The following RAB11B variants were observed in gnomAD, a reference collection of about 807,000 sequenced individuals.
RAB11B encodes the protein ras-related protein Rab-11B.
In RAB11B, 7 loss-of-function variants were observed where a neutral mutation model predicts 23.7. That is an observed-to-expected ratio of 0.29 (90% CI 0.17 to 0.55). The LOEUF (loss-of-function observed/expected upper bound fraction) is 0.55. Ranked by LOEUF, RAB11B falls within the 20% of genes least tolerant of loss-of-function variation. RAB11B has a pLI of 0.93. For missense variants in RAB11B, 189 were observed against 320.0 expected, an observed-to-expected ratio of 0.59 and a Z score of 3.12; for synonymous variants, 138 against 132.0, an observed-to-expected ratio of 1.05 and a Z score of -0.31.
chr19:8,395,271 CTTTTTTTTTT>C (rs201774881), intron 1 of RAB11B, among the ~76,000 whole-genome samples: 1 of 94,076 alleles, frequency 1.1e-5, no homozygotes, highest in Non-Finnish European at 2.1e-5. Context: ...TTCCATCTTT[CTTTTTTTTTT>C]TTTTTTTTTT....
intron 1 of RAB11B, 183 bp downstream of exon 1, chr19:8,390,639 T>C (rs993658063): frequency 1.2e-5 from 7 of 589,596 alleles, no homozygotes; most frequent in African/African-American, 5.9e-5. Context: ...GATGCGCGGC[T>C]ATACGGAGCC....
intron 1 of RAB11B, among the ~76,000 whole-genome samples, chr19:8,395,753 C>T (rs1971392256): frequency 6.6e-6 from 1 of 152,160 alleles, no homozygotes; most frequent in South Asian, 2.1e-4. Flanking sequence ...GGACAGGCTG[C>T]CCTATGCGGT....
intron 4 of RAB11B, chr19:8,402,953 G>C (rs1160499820): frequency 2.5e-6 from 1 of 392,364 alleles, no homozygotes; most frequent in Non-Finnish European, 4.6e-6. Flanking sequence ...GTGAGCCACT[G>C]CACCTGGCCT....
chr19:8,395,121 AAGG>A (rs1971386531), intron 1 of RAB11B, among the ~76,000 whole-genome samples: 1 of 152,108 alleles, frequency 6.6e-6, no homozygotes, highest in Non-Finnish European at 1.5e-5. Context: ...CTGCCGTGGA[AAGG>A]AGGTTAAGGT....
rs141831033 is a variant in RAB11B at position 8,398,053 on chromosome 19, G to A, written c.41-1810G>A. ...CACACTGATCTTCCCCACATGGTAT[G>A]TTCTGGGTCTGGGGACAGCTCACCC... On this transcript the variant is annotated intron_variant, in intron 1 of 4. Transcript: ENST00000328024. 1.1e-4 allele frequency among the ~76,000 whole-genome samples: 17 copies of A among 152,284 alleles called. No individual in the cohort carries two copies. The East Asian group carries it at 3.1e-3, about 28-fold the overall frequency.
At chr19:8,399,751 T>C in intron 1 of RAB11B, 112 bp from the exon 2 acceptor site, 1 of 1,254,010 alleles carries the variant, frequency 8.0e-7, no homozygotes, top group Non-Finnish European at 1.1e-6. Flanking sequence ...TCTCGACTCC[T>C]CCACACCGTT....
rs944410983 is a variant in RAB11B, at chr19:8,396,449, C to T, written c.41-3414C>T. On this transcript the variant is annotated intron_variant, in intron 1 of 4. Coordinates refer to ENST00000328024, the MANE Select transcript of RAB11B (RefSeq NM_004218.4). This position sits in a 1 kb window ranked among gnomAD's most constrained non-coding sequence, Gnocchi z 5.0. Reference sequence around the variant, plus strand: ...TGCCACCTGACAGGTGAGAGAGTGGCAAGAGTGACGGAGGAAGAACTGGGT... The same window carrying T: ...TGCCACCTGACAGGTGAGAGAGTGGTAAGAGTGACGGAGGAAGAACTGGGT... Among the ~76,000 whole-genome samples, 4 of 152,218 alleles carry T rather than the reference C, an allele frequency of 2.6e-5. No homozygotes were observed. The South Asian group carries it at 6.2e-4, about 24-fold the overall frequency.
chr19:8,395,301 T>C (rs1199111318), intron 1 of RAB11B, among the ~76,000 whole-genome samples: 1 of 141,374 alleles, frequency 7.1e-6, no homozygotes, highest in Non-Finnish European at 1.5e-5. Flanking sequence ...TGAGATGGAG[T>C]CTCGCTGTGT....
intron 1 of RAB11B, among the ~76,000 whole-genome samples, chr19:8,391,369 C>T (rs949778071): frequency 3.9e-5 from 6 of 152,248 alleles, no homozygotes; most frequent in Non-Finnish European, 7.3e-5. Context: ...GGACCAACTT[C>T]TTCCAACACG....
chr19:8,399,022 G>A (rs1330973997), intron 1 of RAB11B, among the ~76,000 whole-genome samples: 1 of 151,260 alleles, frequency 6.6e-6, no homozygotes, highest in African/African-American at 2.4e-5. Context: ...GCGTGATCTC[G>A]GCTCACTGCA....
chr19:8,395,850 C>G (rs184107238), intron 1 of RAB11B, among the ~76,000 whole-genome samples: 1 of 152,302 alleles, frequency 6.6e-6, no homozygotes, highest in East Asian at 1.9e-4. Context: ...TGGGGTAGGA[C>G]AGTGAGTGTG....
At chr19:8,399,733 C>T in intron 1 of RAB11B, 130 bp from the exon 2 acceptor site, 1 of 1,021,260 alleles carries the variant, frequency 9.8e-7, no homozygotes, top group South Asian at 1.5e-5. Flanking sequence ...CCCTGGGCTC[C>T]AGGCATCTCT....
intron 1 of RAB11B, among the ~76,000 whole-genome samples, chr19:8,398,959 AT>A (rs34434022): frequency 0.42 from 57,984 of 138,570 alleles, 11,593 homozygotes; most frequent in Non-Finnish European, 0.44. Flanking sequence ...TATTATTATT[AT>A]TTTTTTTTTT....
intron 4 of RAB11B, 44 bp from the exon 5 acceptor site, chr19:8,403,369 G>A: frequency 6.3e-7 from 1 of 1,579,714 alleles, no homozygotes; most frequent in Non-Finnish European, 8.6e-7. Flanking sequence ...GGCAGGCAGG[G>A]CACGTGCTGG....
intron 1 of RAB11B, among the ~76,000 whole-genome samples, chr19:8,393,614 T>C (rs758722781): frequency 1.3e-5 from 2 of 152,152 alleles, no homozygotes; most frequent in Non-Finnish European, 2.9e-5. Flanking sequence ...CCATTTAGAA[T>C]GGGGGTCCCT....
Position 8,403,630 on chromosome 19 carries a change from C to T in RAB11B, c.*72C>T. On this transcript the variant is annotated 3_prime_UTR_variant, in exon 5 of 5. Transcript: ENST00000328024. The stretch of plus-strand genomic sequence containing the variant: ...CGCCACGGTATCCTCTGGCCCCTCC[C>T]TGCTGTCCCTCTGTGGCCGGCTCGT... 7 of 1,541,202 alleles carry T rather than the reference C, an allele frequency of 4.5e-6. No individual in the cohort carries two copies. Among genetic ancestry groups the T allele is most frequent in the Non-Finnish European group, 2.6e-6 (3 of 1,139,468 alleles).
intron 3 of RAB11B, 89 bp downstream of exon 3, chr19:8,402,368 T>G: frequency 6.5e-7 from 1 of 1,533,080 alleles, no homozygotes; most frequent in Non-Finnish European, 8.8e-7. Flanking sequence ...AGCCCTGGCT[T>G]CCCTTCCCTG....
chr19:8,402,650 T>G (rs1829400726), intron 4 of RAB11B, 85 bp downstream of exon 4: 1 of 1,076,668 alleles, frequency 9.3e-7, no homozygotes, highest in Admixed American at 2.2e-5. Context: ...GTTTTGTTCG[T>G]TTGCTTGTTT....
chr19:8,399,578 T>C (rs1971422282), intron 1 of RAB11B, among the ~76,000 whole-genome samples: 1 of 152,232 alleles, frequency 6.6e-6, no homozygotes. Flanking sequence ...TCTGCCTGCC[T>C]GGCTGCCTGG....
Sources: allele counts gnomAD v4.1 joint callset (sites outside exome capture counted in the v4.1 genomes callset), GRCh38; gene constraint gnomAD v4.1.1; non-coding constraint Gnocchi (gnomAD v3.1); transcripts MANE v1.5; gene names NCBI Gene and HGNC (gene_info 2026-07-23, HGNC 2026-07-21).